The following OSBPL8 variants were observed in gnomAD, a reference collection of about 807,000 sequenced individuals.
OSBPL8 encodes the protein oxysterol-binding protein-related protein 8.
A neutral mutation model predicts 125.5 loss-of-function variants in OSBPL8; 59 were observed. The ratio of observed to expected loss-of-function variants is 0.47; its 90% confidence interval spans 0.38 to 0.58. The LOEUF (loss-of-function observed/expected upper bound fraction) is 0.58. Among genes scored for constraint, OSBPL8 ranks in the 20% least tolerant of loss-of-function variants. The probability of loss-of-function intolerance (pLI) is 0.00; values close to 1 mark genes in which losing one functional copy is unlikely to be tolerated. For synonymous variants in OSBPL8, 330 were observed against 338.9 expected (o/e 0.97, Z 0.29); for missense variants, 758 against 1,047.8 (o/e 0.72, Z 3.82).
intron 1 of OSBPL8, among the ~76,000 whole-genome samples, chr12:76,524,480 C>T (rs959005808): frequency 6.6e-6 from 1 of 152,050 alleles, no homozygotes; most frequent in Non-Finnish European, 1.5e-5. Flanking sequence ...GTTTTCCATA[C>T]ACCATCACTG....
chr12:76,498,725 CTTTTTTT>C (rs369287376), intron 1 of OSBPL8, among the ~76,000 whole-genome samples: 2 of 102,498 alleles, frequency 2.0e-5, no homozygotes, highest in Non-Finnish European at 3.6e-5. Flanking sequence ...AGCCTCCCCA[CTTTTTTT>C]TTTTTTTTTT....
chr12:76,402,851 T>C (rs1954108139), intron 5 of OSBPL8, 85 bp from the exon 6 acceptor site: 1 of 878,642 alleles, frequency 1.1e-6, no homozygotes, highest in Non-Finnish European at 1.8e-6. Context: ...TTATGTGACA[T>C]TTTTCTCATT....
chr12:76,423,697 C>A (rs955081090), intron 4 of OSBPL8, among the ~76,000 whole-genome samples: 1 of 152,072 alleles, frequency 6.6e-6, no homozygotes. Flanking sequence ...ATACCTTACC[C>A]TACCTTAATT....
At chr12:76,375,570 A>C (rs1952786925) in intron 16 of OSBPL8, among the ~76,000 whole-genome samples, 200 bp from the exon 17 acceptor site, 1 of 152,138 alleles carries the variant, frequency 6.6e-6, no homozygotes, top group Non-Finnish European at 1.5e-5. Context: ...CATTATGTGC[A>C]GATTCCCTAT....
intron 1 of OSBPL8, among the ~76,000 whole-genome samples, chr12:76,540,372 T>C (rs1950605927): frequency 6.6e-6 from 1 of 152,012 alleles, no homozygotes; most frequent in Admixed American, 6.6e-5. Flanking sequence ...ACGCAATCAA[T>C]GGGAGGAATT....
intron 2 of OSBPL8, among the ~76,000 whole-genome samples, chr12:76,465,398 A>T (rs1875284943): frequency 6.6e-6 from 1 of 151,840 alleles, no homozygotes; most frequent in Admixed American, 6.6e-5. Flanking sequence ...GTCTCTACTA[A>T]AAATACAAAA....
intron 17 of OSBPL8, 38 bp from the exon 18 acceptor site, chr12:76,373,471 C>G: frequency 6.9e-7 from 1 of 1,443,184 alleles, no homozygotes; most frequent in South Asian, 1.2e-5. Flanking sequence ...TTACTTTTCA[C>G]TTATATTTAC....
chr12:76,422,552 G>A, intron 4 of OSBPL8: 1 of 456,578 alleles, frequency 2.2e-6, no homozygotes, highest in African/African-American at 2.0e-5. Context: ...TCCAAATGAA[G>A]CATTCCGAAC....
At chr12:76,410,377 A>G (rs1482517599) in intron 5 of OSBPL8, among the ~76,000 whole-genome samples, 187 bp downstream of exon 5, 2 of 152,134 alleles carry the variant, frequency 1.3e-5, no homozygotes, top group African/African-American at 4.8e-5. Context: ...AATCAGCTGT[A>G]TTTCTAAGTA....
intron 10 of OSBPL8, 137 bp downstream of exon 10, chr12:76,392,444 C>T (rs532761630): frequency 1.5e-5 from 10 of 667,206 alleles, no homozygotes; most frequent in African/African-American, 1.8e-5. Context: ...AATTTTAAGC[C>T]GGTTCCTAGG....
At chr12:76,384,881 C>A (rs1953238617) in intron 14 of OSBPL8, among the ~76,000 whole-genome samples, 1 of 152,102 alleles carries the variant, frequency 6.6e-6, no homozygotes, top group African/African-American at 2.4e-5. Flanking sequence ...CAGGAACCAC[C>A]CAACTAAGCA....
At chr12:76,542,458 C>T (rs1453086164) in intron 1 of OSBPL8, among the ~76,000 whole-genome samples, 1 of 152,168 alleles carries the variant, frequency 6.6e-6, no homozygotes, top group Non-Finnish European at 1.5e-5. Context: ...GTTTTAAAAA[C>T]TTTAGGATGC....
chr12:76,468,388 T>C (rs1040368245), intron 2 of OSBPL8, among the ~76,000 whole-genome samples: 14 of 152,360 alleles, frequency 9.2e-5, no homozygotes, highest in African/African-American at 3.1e-4. Flanking sequence ...AAATTCTGTC[T>C]AGTAAAACTG....
chr12:76,536,647 T>A (rs1342692554), intron 1 of OSBPL8, among the ~76,000 whole-genome samples: 2 of 152,028 alleles, frequency 1.3e-5, no homozygotes, highest in Non-Finnish European at 2.9e-5. Context: ...GAAATTATCT[T>A]AAGATGCCAC....
chr12:76,488,367 C>A (rs773373093), intron 1 of OSBPL8, among the ~76,000 whole-genome samples: 1 of 152,124 alleles, frequency 6.6e-6, no homozygotes, highest in Admixed American at 6.5e-5. Flanking sequence ...TCCATTTTTA[C>A]CATGAATATG....
chr12:76,397,328 A>G (rs1463103904), intron 8 of OSBPL8, among the ~76,000 whole-genome samples: 1 of 133,970 alleles, frequency 7.5e-6, no homozygotes, highest in Non-Finnish European at 1.6e-5. Context: ...GACAAAGAGA[A>G]AAATCACAGG....
In OSBPL8 at chr12:76,446,100, G is replaced by A. The variant is rs529525814; in HGVS notation, c.217+4751C>T. On this transcript the variant is annotated intron_variant, in intron 4 of 23. Coordinates refer to ENST00000261183, the MANE Select transcript of OSBPL8 (RefSeq NM_020841.5). The stretch of plus-strand genomic sequence containing the variant: ...ATGATTTATATACCATAAAGTCCTC[G>A]TAAGAATTCCATGAGCTAAGGCATA... Among the ~76,000 whole-genome samples the A allele has an allele frequency of 2.1e-3, 317 of 152,178 alleles. 1 individual carries two copies. Among genetic ancestry groups the A allele is most frequent in the African/African-American group, 6.9e-3 (287 of 41,538 alleles).
At chr12:76,489,704 ATGT>A (rs1393012195) in intron 1 of OSBPL8, among the ~76,000 whole-genome samples, 2 of 152,222 alleles carry the variant, frequency 1.3e-5, no homozygotes, top group Non-Finnish European at 2.9e-5. Context: ...AAAAAGATTA[ATGT>A]TGTTTTCATC....
At chr12:76,380,758 T>C (rs868633768) in intron 15 of OSBPL8, among the ~76,000 whole-genome samples, 3 of 152,164 alleles carry the variant, frequency 2.0e-5, no homozygotes, top group Non-Finnish European at 2.9e-5. Context: ...GCCTACTGCA[T>C]TGGCTAGGAC....
Sources: allele counts gnomAD v4.1 joint callset (sites outside exome capture counted in the v4.1 genomes callset), GRCh38; gene constraint gnomAD v4.1.1; transcripts MANE v1.5; gene names NCBI Gene and HGNC (gene_info 2026-07-23, HGNC 2026-07-21).